The following CREBZF variants were observed in gnomAD, a reference collection of about 807,000 sequenced individuals.
CREBZF encodes CREB/ATF bZIP transcription factor.
A neutral mutation model predicts 21.1 loss-of-function variants in CREBZF; 8 were observed. The observed-to-expected ratio is 0.38, with a 90% CI of 0.22 to 0.68. The LOEUF (loss-of-function observed/expected upper bound fraction) is 0.68. Ranked by LOEUF, CREBZF falls within the 30% of genes least tolerant of loss-of-function variation. The pLI, the probability that CREBZF is intolerant of heterozygous loss-of-function variation, is 0.51. For synonymous variants in CREBZF, 270 were observed against 223.3 expected (o/e 1.21, Z -1.86); for missense variants, 518 against 484.3 (o/e 1.07, Z -0.65).
In CREBZF at chr11:85,664,845, C is replaced by A. The variant is rs1387147103; in HGVS notation, c.31G>T (p.Ala11Ser). 1.3e-6 allele frequency: 2 copies of A among 1,525,782 alleles called. No individual in the cohort carries two copies. The highest frequency in any genetic ancestry group is 1.8e-6 in the Non-Finnish European group (2 of 1,142,182). 94.5% of individuals were successfully genotyped at this position (1,525,782 alleles called of 1,614,324 possible). A position where few individuals can be genotyped will look rare whatever the true frequency, so the allele number is the denominator to read the frequency against. Reference sequence around the variant, plus strand: ...CGGGTTGGGGAGTTGCTGCCCGAGGCTGCCAGCAGCTTGGTCAGGCTATGC... The same window carrying A: ...CGGGTTGGGGAGTTGCTGCCCGAGGATGCCAGCAGCTTGGTCAGGCTATGC... Reference protein sequence around the residue: MRHSLTKLLAASGSNSPTRSE... With the variant: MRHSLTKLLASSGSNSPTRSE... The change falls in exon 1 of 1, where the codon GCC (alanine) becomes TCC (serine). Residue 11 changes from alanine to serine, a missense_variant. Around this residue, in one of 3 missense-constraint regions of CREBZF, gnomAD observed 396 missense variants for 324.4 expected, o/e 1.22. Transcript: ENST00000527447. This position sits in a 1 kb window ranked among gnomAD's most constrained non-coding sequence, Gnocchi z 5.5.
chr11:85,661,960 T>TTATATATA lies in CREBZF; in HGVS notation c.*1843_*1850dup, dbSNP rs58550468. 6.9e-6 allele frequency: 1 copy of TTATATATA among 145,776 alleles called. No individual in the cohort carries two copies. Among genetic ancestry groups the TTATATATA allele is most frequent in the Non-Finnish European group, 1.5e-5 (1 of 66,212 alleles). The allele number at this position is 145,776 out of a possible 1,614,324, so 9.0% of individuals were successfully genotyped here. ...AATAATCTTTCCAACTACTTTTGGT[T>TTATATATA]TATATATATATATATATATGTATAT... On this transcript the variant is annotated 3_prime_UTR_variant, in exon 1 of 1. Coordinates refer to ENST00000527447, the MANE Select transcript of CREBZF (RefSeq NM_001039618.4).
In CREBZF at chr11:85,663,860, T is replaced by G. The variant is rs2082762730; in HGVS notation, c.1016A>C (p.Glu339Ala). ...LHVDKDKVSV[E>A]FCSACARKAS... ...CTTCCGGGCGCACGCCGAGCAGAAC[T>G]CCACCGACACCTTATCCTTGTCCAC... The change falls in exon 1 of 1, where the codon GAG becomes GCG. Residue 339 changes from glutamate (E) to alanine (A), a missense_variant. By Grantham distance (107) the Glu-to-Ala change is moderately radical. Transcript: ENST00000527447. 3 of 1,609,668 alleles carry G rather than the reference T, an allele frequency of 1.9e-6. No individual in the cohort carries two copies. In the African/African-American group the frequency reaches 4.0e-5, roughly 22 times the overall value.
At chr11:85,682,187 G>T (rs113428554) in intron 1 of CREBZF, among the ~76,000 whole-genome samples, 5,676 of 152,174 alleles carry the variant, frequency 0.037, 160 homozygotes, top group Non-Finnish European at 0.057. Flanking sequence ...AACCTTCCTG[G>T]CTTTGGACAA....
intron 1 of CREBZF, among the ~76,000 whole-genome samples, chr11:85,678,007 C>T (rs938602901): frequency 1.3e-5 from 2 of 152,174 alleles, no homozygotes; most frequent in East Asian, 1.9e-4. Flanking sequence ...AATTAATTCT[C>T]TTTAATTATA....
Position 85,665,071 on chromosome 11 carries a change from G to A in CREBZF, c.-196C>T. On this transcript the variant is annotated 5_prime_UTR_variant, in exon 1 of 1. Transcript: ENST00000527447. ...GCGCGGGGAGGGACGGGAGAACGAA[G>A]CGGTGAGGCCCTGCGATGACTCGAC... The A allele has an allele frequency of 2.3e-6, 1 of 439,624 alleles. No individual in the cohort carries two copies. The highest frequency in any genetic ancestry group is 4.1e-6 in the Non-Finnish European group (1 of 244,844). 27.2% of individuals were successfully genotyped at this position (439,624 alleles called of 1,614,324 possible).
Position 85,662,326 on chromosome 11 carries a change from T to C in CREBZF, c.*1485A>G. The C allele has an allele frequency of 1.5e-6, 1 of 689,512 alleles. No homozygotes were observed. The highest frequency in any genetic ancestry group is 2.2e-5 in the Admixed American group (1 of 44,950). 42.7% of individuals were successfully genotyped at this position (689,512 alleles called of 1,614,324 possible). A position where few individuals can be genotyped will look rare whatever the true frequency, so the allele number is the denominator to read the frequency against. ...GGAAAATACTTTTTAATTATGAACA[T>C]GTTAAAAATAAAAAACAGCAGAAGC... On this transcript the variant is annotated 3_prime_UTR_variant, in exon 1 of 1. Transcript: ENST00000527447.
chr11:85,667,900 G>A (rs1321337956), upstream of CREBZF, among the ~76,000 whole-genome samples: 2 of 152,134 alleles, frequency 1.3e-5, no homozygotes, highest in African/African-American at 4.8e-5. Context: ...AACCTTGGAG[G>A]CGGAGGTTGC....
At position 85,658,823 on chromosome 11, in the gene CREBZF, A is replaced by T. The variant is rs1267636998; in HGVS notation, c.*4988T>A. Among the ~76,000 whole-genome samples, 1 of 152,100 alleles carries T rather than the reference A, an allele frequency of 6.6e-6. No homozygotes were observed. Among genetic ancestry groups the T allele is most frequent in the Non-Finnish European group, 1.5e-5 (1 of 67,948 alleles). On this transcript the variant is annotated 3_prime_UTR_variant, in exon 1 of 1. Coordinates refer to ENST00000527447, the MANE Select transcript of CREBZF (RefSeq NM_001039618.4). ...AGGAAGTTGAGATAAATAAAATTCA[A>T]ATCAGTGTATTAACAGAACTACACA...
In CREBZF at chr11:85,664,097, A is replaced by C; in HGVS notation, c.779T>G (p.Leu260Arg). ...NRELGKRVQALQEESRYLRAV... is the reference protein window; with the variant it reads ...NRELGKRVQARQEESRYLRAV... Reference sequence around the variant, plus strand: ...CCGTAGGTAGCGACTCTCCTCCTGCAGTGCCTGTACGCGTTTGCCCAGCTC... The same window carrying C: ...CCGTAGGTAGCGACTCTCCTCCTGCCGTGCCTGTACGCGTTTGCCCAGCTC... Residue 260 changes from leucine to arginine, a missense_variant, in exon 1 of 1, where the codon CTG becomes CGG. Physicochemically the swap from Leu to Arg is moderately radical, Grantham distance 102. Transcript: ENST00000527447. This position sits in a 1 kb window ranked among gnomAD's most constrained non-coding sequence, Gnocchi z 5.5. The C allele has an allele frequency of 1.2e-6, 2 of 1,613,622 alleles. No individual in the cohort carries two copies.
chr11:85,671,488 T>C (rs996652461), intron 1 of CREBZF, among the ~76,000 whole-genome samples: 9 of 152,318 alleles, frequency 5.9e-5, no homozygotes, highest in African/African-American at 1.7e-4. Context: ...CAAAGTCTCA[T>C]TGGAGGCAAG....
At position 85,664,518 on chromosome 11, in the gene CREBZF, G is replaced by C; in HGVS notation, c.358C>G (p.Leu120Val). The change falls in exon 1 of 1, where the codon CTG becomes GTG. Residue 120 changes from leucine (L) to valine (V), a missense_variant. Coordinates refer to ENST00000527447, the MANE Select transcript of CREBZF (RefSeq NM_001039618.4). The surrounding 1 kb of genome is among the most constrained non-coding windows in gnomAD (Gnocchi z 5.5). ...CCCGGCGAGCTAAGCCCGGGGTCCA[G>C]GTGCCAGTCCGGTTGCCTGGGGTCC... ...LLDPRQPDWH[L>V]DPGLSSPGPL... 1 of 1,613,864 alleles carries C rather than the reference G, an allele frequency of 6.2e-7. No individual in the cohort carries two copies. Among genetic ancestry groups the C allele is most frequent in the Non-Finnish European group, 8.5e-7 (1 of 1,179,990 alleles).
At chr11:85,676,704 A>G (rs564874354) in intron 1 of CREBZF, among the ~76,000 whole-genome samples, 1 of 151,006 alleles carries the variant, frequency 6.6e-6, no homozygotes, top group Admixed American at 6.6e-5. Flanking sequence ...TAGCTCAAAC[A>G]TGGCTCACTG....
At chr11:85,673,457 T>C (rs1207069087) in intron 1 of CREBZF, among the ~76,000 whole-genome samples, 1 of 152,232 alleles carries the variant, frequency 6.6e-6, no homozygotes, top group Non-Finnish European at 1.5e-5. Flanking sequence ...TGCAACAGCA[T>C]TATGTCTTTG....
At chr11:85,682,666 C>A in intron 1 of CREBZF, 1 of 607,510 alleles carries the variant, frequency 1.6e-6, no homozygotes. Flanking sequence ...TCCCTGGAGC[C>A]CACTCCCCTT....
In CREBZF at chr11:85,664,131, C is replaced by G. The variant is rs367799926; in HGVS notation, c.745G>C (p.Glu249Gln). 35 of 1,613,668 alleles carry G rather than the reference C, an allele frequency of 2.2e-5. No homozygotes were observed. The highest frequency in any genetic ancestry group is 2.6e-5 in the Non-Finnish European group (31 of 1,180,046). ...LAAENQELRA[E>Q]NRELGKRVQA... The stretch of plus-strand genomic sequence containing the variant: ...ACGCGTTTGCCCAGCTCCCGATTCT[C>G]GGCCCGCAGCTCCTGGTTCTCGGCT... Residue 249 changes from glutamate (E) to glutamine (Q), a missense_variant, in exon 1 of 1, where the codon GAG becomes CAG. This residue lies in a region of CREBZF where 8 missense variants were observed against 25.8 expected (regional missense o/e 0.31). Transcript: ENST00000527447. This position sits in a 1 kb window ranked among gnomAD's most constrained non-coding sequence, Gnocchi z 5.5.
At chr11:85,666,159 T>G (rs892391512), upstream of CREBZF, among the ~76,000 whole-genome samples, 6 of 152,254 alleles carry the variant, frequency 3.9e-5, no homozygotes, top group Non-Finnish European at 2.9e-5. Flanking sequence ...TCAAAACATG[T>G]CTTTTATTTT....
chr11:85,678,499 T>C (rs2082956005), intron 1 of CREBZF, among the ~76,000 whole-genome samples: 1 of 152,234 alleles, frequency 6.6e-6, no homozygotes, highest in African/African-American at 2.4e-5. Context: ...CTAGCAACAT[T>C]AACATAATTA....
At position 85,664,890 on chromosome 11, in the gene CREBZF, G is replaced by A. The variant is rs1046603780; in HGVS notation, c.-15C>T. The A allele has an allele frequency of 2.8e-6, 4 of 1,445,484 alleles. No individual in the cohort carries two copies. The highest frequency in any genetic ancestry group is 2.9e-5 in the Admixed American group (1 of 34,186). The allele number at this position is 1,445,484 out of a possible 1,614,324, so 89.5% of individuals were successfully genotyped here. ...CTATGCCTCATGAGGGCCAGCGGCG[G>A]GCCGCGGTAGGCCCCGGCCGCTAAG... On this transcript the variant is annotated 5_prime_UTR_variant, in exon 1 of 1. Transcript: ENST00000527447. This position sits in a 1 kb window ranked among gnomAD's most constrained non-coding sequence, Gnocchi z 5.5.
In CREBZF at chr11:85,658,149, T is replaced by G. The variant is rs536726741; in HGVS notation, c.*5662A>C. ...AAAAAACAATGAATTAAAAGTAATT[T>G]CTGGCGTTAACCCAAGTACCGAGTT... On this transcript the variant is annotated 3_prime_UTR_variant, in exon 1 of 1. Coordinates refer to ENST00000527447, the MANE Select transcript of CREBZF (RefSeq NM_001039618.4). Among the ~76,000 whole-genome samples the G allele has an allele frequency of 5.3e-5, 8 of 152,090 alleles. No homozygotes were observed. In the East Asian group the frequency reaches 1.2e-3, roughly 22 times the overall value.
Sources: allele counts gnomAD v4.1 joint callset (sites outside exome capture counted in the v4.1 genomes callset), GRCh38; gene constraint gnomAD v4.1.1; regional missense constraint gnomAD v4.1.1; non-coding constraint Gnocchi (gnomAD v3.1); transcripts MANE v1.5; gene names NCBI Gene and HGNC (gene_info 2026-07-23, HGNC 2026-07-21).